Variants in NHEJ1 observed in about 807,000 individuals in gnomAD.
NHEJ1 encodes non-homologous end-joining factor 1.
A neutral mutation model predicts 39.4 loss-of-function variants in NHEJ1; 22 were observed. That is an observed-to-expected ratio of 0.56 (90% CI 0.40 to 0.80). The LOEUF (loss-of-function observed/expected upper bound fraction) is 0.80, where lower values mean the gene tolerates loss of function less well. Ranked by LOEUF, NHEJ1 falls within the 30% of genes least tolerant of loss-of-function variation. NHEJ1 has a pLI of 0.00. For missense variants in NHEJ1, 329 were observed against 357.1 expected (o/e 0.92, Z 0.63); for synonymous variants, 154 against 135.6 (o/e 1.14, Z -0.94).
At chr2:219,094,979 G>A (rs1163570710) in intron 5 of NHEJ1, among the ~76,000 whole-genome samples, 2 of 152,104 alleles carry the variant, frequency 1.3e-5, no homozygotes, top group African/African-American at 2.4e-5. Flanking sequence ...GGGTGGGAGA[G>A]GAATTTTAGT....
chr2:219,141,122 G>A (rs769806728), intron 5 of NHEJ1, among the ~76,000 whole-genome samples: 15 of 152,218 alleles, frequency 9.9e-5, no homozygotes, highest in Non-Finnish European at 2.2e-4. Flanking sequence ...GCTCACACCT[G>A]TAATCCCAAA....
intron 5 of NHEJ1, among the ~76,000 whole-genome samples, chr2:219,126,435 A>T (rs72951773): frequency 0.098 from 14,878 of 152,228 alleles, 866 homozygotes; most frequent in East Asian, 0.14. Flanking sequence ...AATTATGTCA[A>T]TTTGGTCTTC....
chr2:219,097,485 T>C (rs921088864), intron 5 of NHEJ1, among the ~76,000 whole-genome samples: 5 of 152,320 alleles, frequency 3.3e-5, no homozygotes, highest in African/African-American at 9.6e-5. Flanking sequence ...AGAATCTTGC[T>C]ATATTGTCCA....
At position 219,073,587 on chromosome 2, in the gene NHEJ1, T is replaced by C. The variant is rs528824865; in HGVS notation, c.*2794A>G. Among the ~76,000 whole-genome samples the C allele has an allele frequency of 6.6e-6, 1 of 152,336 alleles. No homozygotes were observed. Among genetic ancestry groups the C allele is most frequent in the Admixed American group, 6.5e-5 (1 of 15,308 alleles). On this transcript the variant is annotated 3_prime_UTR_variant, in exon 8 of 8. Coordinates refer to ENST00000356853, the MANE Select transcript of NHEJ1 (RefSeq NM_024782.3). The stretch of plus-strand genomic sequence containing the variant: ...AGGCCTTGCAATCTAGGTGGCGCTA[T>C]TTCTCTACTTTTTAGGTCAAGTTCC...
intron 5 of NHEJ1, among the ~76,000 whole-genome samples, chr2:219,080,188 A>G (rs186920036): frequency 6.6e-6 from 1 of 152,250 alleles, no homozygotes; most frequent in African/African-American, 2.4e-5. Flanking sequence ...CCACCTGACT[A>G]TTCTCAGAAA....
chr2:219,115,589 A>T (rs1194153346), intron 5 of NHEJ1, among the ~76,000 whole-genome samples: 1 of 152,236 alleles, frequency 6.6e-6, no homozygotes, highest in Non-Finnish European at 1.5e-5. Context: ...CACAACAGAT[A>T]TAACTCTGAC....
rs114440590 is a variant in NHEJ1, at chr2:219,094,823, A to G, written c.589-16617T>C. ...CACCAGGCTGACCCTACGCAACAGA[A>G]CAGCACTCCAGGGTTCATCTCCAGG... On this transcript the variant is annotated intron_variant, in intron 5 of 7. Transcript: ENST00000356853. 7.0e-3 allele frequency among the ~76,000 whole-genome samples: 1,064 copies of G among 152,166 alleles called. 14 individuals are homozygous for G. The highest frequency in any genetic ancestry group is 0.025 in the African/African-American group (1,020 of 41,434).
At position 219,124,192 on chromosome 2, in the gene NHEJ1, AAG is replaced by A. The variant is rs560553628; in HGVS notation, c.588+22486_588+22487del. Among the ~76,000 whole-genome samples, 60 of 152,276 alleles carry A rather than the reference AAG, an allele frequency of 3.9e-4. 1 individual carries two copies. The highest frequency in any genetic ancestry group is 1.0e-3 in the South Asian group (5 of 4,822). On this transcript the variant is annotated intron_variant, in intron 5 of 7. Coordinates refer to ENST00000356853, the MANE Select transcript of NHEJ1 (RefSeq NM_024782.3). ...CTGACTTCTTCCTGGTTAACAAAGA[AAG>A]AGGTGAGGAACTGGGAGGAGTAGGG...
intron 5 of NHEJ1, among the ~76,000 whole-genome samples, chr2:219,112,504 C>T (rs1388889542): frequency 6.6e-6 from 1 of 152,144 alleles, no homozygotes; most frequent in Non-Finnish European, 1.5e-5. Context: ...AAGTCAAGGG[C>T]TAGAAAGGAG....
chr2:219,096,644 T>C (rs1559189803), intron 5 of NHEJ1, among the ~76,000 whole-genome samples: 1 of 152,144 alleles, frequency 6.6e-6, no homozygotes. Context: ...TTTGATGAGA[T>C]GACATTTAGC....
intron 5 of NHEJ1, among the ~76,000 whole-genome samples, chr2:219,133,922 T>C (rs1449232789): frequency 6.6e-6 from 1 of 152,340 alleles, no homozygotes; most frequent in East Asian, 1.9e-4. Context: ...TTTCCCTTCA[T>C]CGGCATAAGT....
intron 6 of NHEJ1, 96 bp downstream of exon 6, chr2:219,077,993 A>C (rs1949029570): frequency 1.2e-6 from 1 of 853,094 alleles, no homozygotes; most frequent in East Asian, 2.5e-5. Context: ...TTAAACTTAA[A>C]TAGTTATATG....
chr2:219,091,449 G>A (rs555106020), intron 5 of NHEJ1, among the ~76,000 whole-genome samples: 1 of 152,186 alleles, frequency 6.6e-6, no homozygotes, highest in African/African-American at 2.4e-5. Flanking sequence ...GGAGGGTGGG[G>A]TAGGGCATGG....
intron 5 of NHEJ1, among the ~76,000 whole-genome samples, chr2:219,136,909 G>C (rs1949635885): frequency 1.3e-5 from 2 of 151,846 alleles, no homozygotes; most frequent in Admixed American, 1.3e-4. Flanking sequence ...GGCCCCATTT[G>C]TATTTTCTAT....
At chr2:219,144,296 G>A (rs758229728) in intron 5 of NHEJ1, among the ~76,000 whole-genome samples, 3 of 152,130 alleles carry the variant, frequency 2.0e-5, no homozygotes, top group Non-Finnish European at 4.4e-5. Flanking sequence ...TAGGCACCAC[G>A]CACAGTGCTG....
In NHEJ1 at chr2:219,076,397, C is replaced by A. The variant is rs1183931803; in HGVS notation, c.884G>T (p.Arg295Met). 5.0e-6 allele frequency: 8 copies of A among 1,614,014 alleles called. No individual in the cohort carries two copies. In the African/African-American group the frequency reaches 1.1e-4, roughly 22 times the overall value. The part of the protein sequence containing the change: ...QLSKVKRKKP[R>M]GLFS ...CACAACAGATTAACTGAAGAGACCC[C>A]TTGGCTTCTTCCTCTTGACCTTTGA... The change falls in exon 8 of 8, where the codon AGG becomes ATG. Residue 295 changes from arginine to methionine, a missense_variant. Transcript: ENST00000356853.
At chr2:219,095,147 G>A (rs540388570) in intron 5 of NHEJ1, 5 of 389,378 alleles carry the variant, frequency 1.3e-5, no homozygotes, top group South Asian at 7.8e-5. Flanking sequence ...AGTGGGTGTG[G>A]CTAAGGAAAC....
At chr2:219,103,047 G>C (rs1257511880) in intron 5 of NHEJ1, among the ~76,000 whole-genome samples, 2 of 147,494 alleles carry the variant, frequency 1.4e-5, no homozygotes, top group African/African-American at 5.0e-5. Flanking sequence ...CAGGCGTGGT[G>C]GTGGGTGCCT....
chr2:219,127,639 GCCT>G (rs1486356255), intron 5 of NHEJ1, among the ~76,000 whole-genome samples: 9 of 152,114 alleles, frequency 5.9e-5, no homozygotes, highest in Non-Finnish European at 1.2e-4. Context: ...CAATTTGGTG[GCCT>G]CCTAACAGAA....
Sources: allele counts gnomAD v4.1 joint callset (sites outside exome capture counted in the v4.1 genomes callset), GRCh38; gene constraint gnomAD v4.1.1; transcripts MANE v1.5; gene names NCBI Gene and HGNC (gene_info 2026-07-23, HGNC 2026-07-21).